Variants in ANK2 observed in about 807,000 individuals in gnomAD.
ANK2 encodes ankyrin-2.
A neutral mutation model predicts 360.5 loss-of-function variants in ANK2; 83 were observed. The observed-to-expected ratio is 0.23, with a 90% CI of 0.19 to 0.28. The LOEUF (loss-of-function observed/expected upper bound fraction) is 0.28. Among genes scored for constraint, ANK2 ranks in the 10% least tolerant of loss-of-function variants. ANK2 has a pLI of 1.00. For synonymous variants in ANK2, 1,740 were observed against 1,759.5 expected, an observed-to-expected ratio of 0.99 and a Z score of 0.28; for missense variants, 4,201 against 4,795.7, an observed-to-expected ratio of 0.88 and a Z score of 3.66.
intron 2 of ANK2, among the ~76,000 whole-genome samples, chr4:113,027,481 A>G (rs570051309): frequency 6.1e-4 from 93 of 152,176 alleles, no homozygotes; most frequent in African/African-American, 2.1e-3. Context: ...CTGCCTGTTT[A>G]CCTGCAGCCC....
At chr4:112,865,972 TAC>T (rs142913427) in intron 1 of ANK2, among the ~76,000 whole-genome samples, 10 of 150,876 alleles carry the variant, frequency 6.6e-5, no homozygotes, top group Non-Finnish European at 1.0e-4. Flanking sequence ...AAAGATTTGT[TAC>T]ACACACACAC....
At chr4:112,826,290 G>C (rs1416033429) in intron 1 of ANK2, 2 of 595,830 alleles carry the variant, frequency 3.4e-6, no homozygotes, top group Non-Finnish European at 5.6e-6. Flanking sequence ...AATTTCTATA[G>C]AGTTGTGTAG....
chr4:113,353,587 A>T lies in ANK2; in HGVS notation c.4969A>T (p.Thr1657Ser). Residue 1657 changes from threonine (T) to serine (S), a missense_variant, in exon 38 of 46, where the codon ACA becomes TCA. By Grantham distance (58) the Thr-to-Ser change is moderately conservative (BLOSUM62 1). Transcript: ENST00000357077. The part of the protein sequence containing the change: ...CVPLPKEQLQ[T>S]VQDKAGKKCE... The stretch of plus-strand genomic sequence containing the variant: ...GCCTCTTCCCAAAGAGCAGCTGCAG[A>T]CAGTTCAAGATAAGGCAGGGAAGAA... 3 of 1,614,058 alleles carry T rather than the reference A, an allele frequency of 1.9e-6. No individual in the cohort carries two copies. The highest frequency in any genetic ancestry group is 2.5e-6 in the Non-Finnish European group (3 of 1,179,964).
Position 112,854,776 on chromosome 4 carries a change from A to C in ANK2, c.-40+36512A>C, listed in dbSNP as rs114814255. Among the ~76,000 whole-genome samples the C allele has an allele frequency of 4.8e-3, 738 of 152,260 alleles. 9 individuals carry two copies. The highest frequency in any genetic ancestry group is 0.017 in the African/African-American group (712 of 41,556). On this transcript the variant is annotated intron_variant, in intron 1 of 30. Coordinates refer to the ANK2 transcript ENST00000503271. ...GATATGTAGTTTCAGGGTTTGGCTG[A>C]GGACTGGTAGTCCAGAGGTGGGAGC...
At chr4:113,177,359 C>T (rs974355132) in intron 2 of ANK2, among the ~76,000 whole-genome samples, 1 of 152,168 alleles carries the variant, frequency 6.6e-6, no homozygotes, top group Admixed American at 6.5e-5. Flanking sequence ...GGATTACAGG[C>T]GTGAGCCACC....
At chr4:113,025,448 A>G (rs751252264) in intron 2 of ANK2, among the ~76,000 whole-genome samples, 3 of 152,172 alleles carry the variant, frequency 2.0e-5, no homozygotes, top group Non-Finnish European at 4.4e-5. Context: ...CTCCACTAGT[A>G]TTCTTTACTT....
At chr4:113,205,185 G>T (rs2098928691) in intron 4 of ANK2, among the ~76,000 whole-genome samples, 1 of 121,112 alleles carries the variant, frequency 8.3e-6, no homozygotes, top group Admixed American at 1.1e-4. Context: ...GCAGTGAGCC[G>T]ACATCACGCC....
At chr4:112,741,925 T>C in the ANK2 span, among the ~76,000 whole-genome samples, 1 of 152,316 alleles carries the variant, frequency 6.6e-6, no homozygotes, top group South Asian at 2.1e-4. Flanking sequence ...TATAATATAG[T>C]ACTGTTTCAG....
intron 4 of ANK2, among the ~76,000 whole-genome samples, chr4:113,203,869 A>G (rs558823559): frequency 2.6e-4 from 39 of 152,300 alleles, no homozygotes; most frequent in African/African-American, 8.7e-4. Flanking sequence ...AATTTTTAAA[A>G]TTCCTTTTTC....
chr4:112,827,516 C>A, intron 1 of ANK2: 1 of 1,215,422 alleles, frequency 8.2e-7, no homozygotes, highest in Non-Finnish European at 1.2e-6. Flanking sequence ...CTAAGAATCA[C>A]AAGAATCTGC....
rs1298938858 is a variant in ANK2 at position 113,206,253 on chromosome 4, C to G, written c.384+7144C>G. On this transcript the variant is annotated intron_variant, in intron 4 of 45. Transcript: ENST00000357077. ...TTCCTGATGCTCTCTCTCCCCCTGCCCCCTGACAGGCCCCAGTGTGTGTTG... is the reference window on the plus strand; with the variant it reads ...TTCCTGATGCTCTCTCTCCCCCTGCGCCCTGACAGGCCCCAGTGTGTGTTG... 3.9e-5 allele frequency among the ~76,000 whole-genome samples: 6 copies of G among 152,206 alleles called. No homozygotes were observed. In the East Asian group the frequency reaches 1.2e-3, roughly 29 times the overall value.
chr4:113,309,027 C>T (rs531370100), intron 23 of ANK2, among the ~76,000 whole-genome samples: 24 of 152,154 alleles, frequency 1.6e-4, no homozygotes, highest in Non-Finnish European at 2.9e-4. Flanking sequence ...CAGAATTTTC[C>T]AGTTATAGAC....
intron 2 of ANK2, among the ~76,000 whole-genome samples, chr4:113,032,517 T>TACCA (rs2060634664): frequency 6.6e-6 from 1 of 152,014 alleles, no homozygotes; most frequent in Non-Finnish European, 1.5e-5. Flanking sequence ...CCGAGTCTGG[T>TACCA]ACTGTTGGTG....
chr4:112,731,144 A>C, the ANK2 span, among the ~76,000 whole-genome samples: 1 of 151,906 alleles, frequency 6.6e-6, no homozygotes, highest in African/African-American at 2.4e-5. Flanking sequence ...TGTCTAAAAA[A>C]AAAAGGCTGA....
intron 9 of ANK2, among the ~76,000 whole-genome samples, chr4:113,245,565 T>TA (rs1260075803): frequency 2.0e-5 from 3 of 152,070 alleles, no homozygotes; most frequent in Non-Finnish European, 4.4e-5. Context: ...CAGCCCCTTA[T>TA]AAAACCATCA....
chr4:113,138,106 A>T (rs1169744946), intron 1 of ANK2, among the ~76,000 whole-genome samples: 1 of 152,230 alleles, frequency 6.6e-6, no homozygotes, highest in Non-Finnish European at 1.5e-5. Context: ...TGAATAATAT[A>T]TGAAGGATCA....
chr4:113,285,198 A>G (rs1049176013), intron 18 of ANK2, among the ~76,000 whole-genome samples: 7 of 151,342 alleles, frequency 4.6e-5, no homozygotes, highest in African/African-American at 1.7e-4. Context: ...TCTCACACCT[A>G]CCACACAACA....
the ANK2 span, among the ~76,000 whole-genome samples, chr4:112,728,688 G>C: frequency 4.6e-5 from 7 of 152,050 alleles, no homozygotes; most frequent in African/African-American, 1.7e-4. Context: ...GGGGAGTTGA[G>C]GCTGCAGTCA....
At chr4:112,876,051 G>C (rs563366255) in intron 1 of ANK2, among the ~76,000 whole-genome samples, 1 of 151,402 alleles carries the variant, frequency 6.6e-6, no homozygotes, top group Admixed American at 6.6e-5. Context: ...CACCACGTGT[G>C]GTATATTTCG....
Sources: gnomAD v4.1 joint callset for allele counts (sites outside exome capture counted in the v4.1 genomes callset) on GRCh38, gnomAD v4.1.1 for gene constraint, MANE v1.5 for transcripts, NCBI Gene and HGNC (gene_info 2026-07-23, HGNC 2026-07-21) for gene names.